The following LINGO2 variants were observed in gnomAD, a reference collection of about 807,000 sequenced individuals.
LINGO2 encodes the protein leucine-rich repeat and immunoglobulin-like domain-containing nogo receptor-interacting protein 2.
Under a neutral mutation model 30.6 loss-of-function variants are expected in LINGO2, and 14 were observed. That is an observed-to-expected ratio of 0.46 (90% confidence interval 0.30 to 0.72). The LOEUF (loss-of-function observed/expected upper bound fraction) is 0.72. LINGO2 is among the 30% of genes least tolerant of loss of function. The pLI is 0.07. For synonymous variants in LINGO2, 317 were observed against 288.5 expected (o/e 1.10, Z -1.00); for missense variants, 729 against 751.7 (o/e 0.97, Z 0.35).
chr9:28,288,980 A>G (rs571353988), intron 4 of LINGO2, among the ~76,000 whole-genome samples: 44 of 152,256 alleles, frequency 2.9e-4, no homozygotes, highest in African/African-American at 8.9e-4. Flanking sequence ...TGTTGCTTCT[A>G]TGTATGAGCC....
chr9:28,674,117 G>A (rs1004621254), upstream of LINGO2, among the ~76,000 whole-genome samples: 5 of 152,044 alleles, frequency 3.3e-5, no homozygotes, highest in African/African-American at 1.2e-4. Flanking sequence ...TGCTGTAACA[G>A]TAACTATAGA....
At chr9:28,981,475 G>T in the LINGO2 span, among the ~76,000 whole-genome samples, 1 of 152,008 alleles carries the variant, frequency 6.6e-6, no homozygotes, top group African/African-American at 2.4e-5. Context: ...ATATCATTCT[G>T]ACTCTCTGCT....
chr9:28,994,501 A>T, the LINGO2 span, among the ~76,000 whole-genome samples: 1 of 151,558 alleles, frequency 6.6e-6, no homozygotes, highest in Non-Finnish European at 1.5e-5. Flanking sequence ...CTTTCTTCAC[A>T]GAATTGGAAA....
the LINGO2 span, among the ~76,000 whole-genome samples, chr9:28,965,593 T>C: frequency 6.6e-6 from 1 of 152,070 alleles, no homozygotes; most frequent in Admixed American, 6.6e-5. Context: ...TAAAAAAGCT[T>C]ACCCAGAGAG....
At chr9:28,044,417 G>A (rs1172845450) in intron 4 of LINGO2, among the ~76,000 whole-genome samples, 3 of 152,226 alleles carry the variant, frequency 2.0e-5, no homozygotes, top group South Asian at 2.1e-4. Flanking sequence ...GACAGTGGGG[G>A]CTGCCCCATG....
chr9:28,082,205 T>C (rs1825791667), intron 4 of LINGO2, among the ~76,000 whole-genome samples: 1 of 152,144 alleles, frequency 6.6e-6, no homozygotes, highest in African/African-American at 2.4e-5. Context: ...AATCACCTTC[T>C]GAAACCTTAT....
the LINGO2 span, among the ~76,000 whole-genome samples, chr9:28,761,001 C>G: frequency 6.7e-6 from 1 of 149,134 alleles, no homozygotes; most frequent in Admixed American, 6.7e-5. Context: ...TCCTTATCCA[C>G]TCACTGATTG....
At chr9:28,149,973 G>A (rs1827948402) in intron 4 of LINGO2, among the ~76,000 whole-genome samples, 1 of 149,552 alleles carries the variant, frequency 6.7e-6, no homozygotes. Context: ...GGGAAATGAG[G>A]AGCGCCTCTG....
chr9:29,098,871 G>GA, the LINGO2 span, among the ~76,000 whole-genome samples: 1 of 151,660 alleles, frequency 6.6e-6, no homozygotes, highest in Non-Finnish European at 1.5e-5. Flanking sequence ...GCAACTGAAA[G>GA]AAAAAAAATC....
intron 4 of LINGO2, among the ~76,000 whole-genome samples, chr9:28,079,001 C>T (rs1265239951): frequency 6.7e-6 from 1 of 148,378 alleles, no homozygotes; most frequent in Non-Finnish European, 1.5e-5. Flanking sequence ...CTGGTGGTAC[C>T]CAAAGAGAGG....
chr9:28,841,328 C>A, the LINGO2 span, among the ~76,000 whole-genome samples: 2 of 151,688 alleles, frequency 1.3e-5, no homozygotes, highest in Non-Finnish European at 2.9e-5. Flanking sequence ...AAAAGATTGG[C>A]ACCTGATTTA....
the LINGO2 span, among the ~76,000 whole-genome samples, chr9:28,707,763 G>C: frequency 2.0e-5 from 3 of 152,026 alleles, no homozygotes; most frequent in South Asian, 6.2e-4. Flanking sequence ...TATTGTCGGG[G>C]TGGTGAAGGG....
intron 1 of LINGO2, among the ~76,000 whole-genome samples, chr9:28,604,015 G>A (rs997403033): frequency 1.3e-5 from 2 of 151,816 alleles, no homozygotes; most frequent in Admixed American, 6.6e-5. Flanking sequence ...TTTAGCCTTC[G>A]AGTTTTTCTT....
chr9:28,233,061 T>C (rs10968400), intron 4 of LINGO2, among the ~76,000 whole-genome samples: 8 of 118,828 alleles, frequency 6.7e-5, no homozygotes, highest in Non-Finnish European at 1.3e-4. Context: ...TATATATATA[T>C]TAGATATATA....
the LINGO2 span, among the ~76,000 whole-genome samples, chr9:29,146,890 T>C: frequency 1.1e-4 from 17 of 152,168 alleles, no homozygotes; most frequent in Non-Finnish European, 2.2e-4. Flanking sequence ...CTGTACAACT[T>C]TTAAAATATT....
intron 4 of LINGO2, among the ~76,000 whole-genome samples, chr9:28,097,037 T>C (rs1053666731): frequency 2.6e-5 from 4 of 151,310 alleles, no homozygotes; most frequent in African/African-American, 9.7e-5. Context: ...AGAAACAAAA[T>C]TGAAAAAAAA....
the LINGO2 span, among the ~76,000 whole-genome samples, chr9:29,075,309 A>C: frequency 1.3e-5 from 2 of 152,196 alleles, no homozygotes; most frequent in African/African-American, 4.8e-5. Context: ...AGTGACATCC[A>C]AGGTTTAAAT....
chr9:28,120,615 C>T (rs1014346652), intron 4 of LINGO2, among the ~76,000 whole-genome samples: 4 of 152,114 alleles, frequency 2.6e-5, no homozygotes, highest in African/African-American at 9.7e-5. Context: ...AAATGAACTA[C>T]CAAATATCAG....
intron 3 of LINGO2, among the ~76,000 whole-genome samples, chr9:28,362,981 G>A (rs1366958454): frequency 6.6e-6 from 1 of 152,168 alleles, no homozygotes; most frequent in African/African-American, 2.4e-5. Flanking sequence ...TCAAAGTGTA[G>A]AGTGTGAAAA....
Sources: gnomAD v4.1 joint callset for allele counts (sites outside exome capture counted in the v4.1 genomes callset) on GRCh38, gnomAD v4.1.1 for gene constraint, MANE v1.5 for transcripts, NCBI Gene and HGNC (gene_info 2026-07-23, HGNC 2026-07-21) for gene names.